HCRTR1: variants seen among roughly 807,000 people sequenced by gnomAD.
HCRTR1 encodes the protein hypocretin receptor 1, also known as orexin/Hypocretin receptor type 1.
Under a neutral mutation model 40.6 loss-of-function variants are expected in HCRTR1, and 28 were observed. The ratio of observed to expected loss-of-function variants is 0.69; its 90% CI spans 0.51 to 0.95. The LOEUF (loss-of-function observed/expected upper bound fraction) is 0.95, where lower values mean the gene tolerates loss of function less well. HCRTR1 is among the 40% of genes least tolerant of loss of function. The probability of loss-of-function intolerance (pLI) is 0.00; values close to 1 mark genes in which losing one functional copy is unlikely to be tolerated. For synonymous variants in HCRTR1, 209 were observed against 230.0 expected, an observed-to-expected ratio of 0.91 and a Z score of 0.83; for missense variants, 482 against 564.7, an observed-to-expected ratio of 0.85 and a Z score of 1.48.
chr1:31,632,732 G>A (rs1320748068), downstream of HCRTR1: 4 of 1,425,394 alleles, frequency 2.8e-6, no homozygotes, highest in Non-Finnish European at 2.8e-6. Flanking sequence ...TTCTCTCCAG[G>A]CTGGAGTAGG....
rs1639855676 is a variant in HCRTR1, at chr1:31,621,513, T to G, written c.659T>G (p.Phe220Cys). The G allele has an allele frequency of 6.2e-7, 1 of 1,613,982 alleles. No homozygotes were observed. Among genetic ancestry groups the G allele is most frequent in the Admixed American group, 1.7e-5 (1 of 60,010 alleles). ...CCCAAGATCTACCACAGTTGCTTCT[T>G]TATTGTCACCTACCTGGCCCCACTG... ...LYPKIYHSCF[F>C]IVTYLAPLGL... Residue 220 changes from phenylalanine to cysteine, a missense_variant, in exon 6 of 9, where the codon TTT (phenylalanine) becomes TGT (cysteine). Phe to Cys is a radical substitution (Grantham distance 205). Transcript: ENST00000403528.
chr1:31,623,634 C>T lies in HCRTR1; in HGVS notation c.850C>T (p.Leu284=), dbSNP rs1639909995. Residue 284 remains leucine (L), a synonymous_variant, in exon 7 of 9, where the codon CTG becomes TTG. Coordinates refer to ENST00000403528, the MANE Select transcript of HCRTR1 (RefSeq NM_001525.3). ...GCCCCAGCCCCGGGCCCGCGCCTTCCTGGCTGAAGTGAAGCAGATGCGTGC... is the reference window on the plus strand; with the variant it reads ...GCCCCAGCCCCGGGCCCGCGCCTTCTTGGCTGAAGTGAAGCAGATGCGTGC... ...GEPQPRARAF[L]AEVKQMRARR... is the part of the protein sequence containing the mutation. 6 of 1,613,894 alleles carry T rather than the reference C, an allele frequency of 3.7e-6. No individual in the cohort carries two copies. Among genetic ancestry groups the T allele is most frequent in the Non-Finnish European group, 5.1e-6 (6 of 1,180,048 alleles).
At chr1:31,633,345 G>C, downstream of HCRTR1, 1 of 1,582,128 alleles carries the variant, frequency 6.3e-7, no homozygotes, top group South Asian at 1.1e-5. Flanking sequence ...GCCATCAACA[G>C]AAATGCCAGG....
chr1:31,630,865 C>A (rs373865996), downstream of HCRTR1: 45 of 1,571,606 alleles, frequency 2.9e-5, no homozygotes, highest in African/African-American at 5.5e-4. Context: ...GGCACACAGA[C>A]CAGACACACA....
downstream of HCRTR1, among the ~76,000 whole-genome samples, chr1:31,631,021 G>A (rs1162440280): frequency 6.6e-6 from 1 of 152,226 alleles, no homozygotes; most frequent in Non-Finnish European, 1.5e-5. Context: ...CAGGGACCGT[G>A]TCTGGATGCT....
downstream of HCRTR1, among the ~76,000 whole-genome samples, chr1:31,628,430 C>A (rs1028645537): frequency 6.6e-6 from 1 of 152,246 alleles, no homozygotes; most frequent in Non-Finnish European, 1.5e-5. Context: ...CCATTCCACA[C>A]TCCCACTGGC....
downstream of HCRTR1, among the ~76,000 whole-genome samples, chr1:31,628,805 G>A (rs1326698257): frequency 1.3e-5 from 2 of 152,234 alleles, no homozygotes; most frequent in Admixed American, 6.5e-5. Flanking sequence ...TGCTCAGCGA[G>A]GGACTGCTCA....
At chr1:31,632,514 G>A (rs753988526), downstream of HCRTR1, 2 of 1,614,238 alleles carry the variant, frequency 1.2e-6, no homozygotes, top group South Asian at 2.2e-5. Context: ...GCTCTGTGTA[G>A]CTAATGGAGC....
Position 31,619,543 on chromosome 1 carries a change from GT to G in HCRTR1, c.212del (p.Val71GlyfsTer7). On this transcript the variant is annotated frameshift_variant, in exon 4 of 9. Transcript: ENST00000403528. LOFTEE classifies it high-confidence loss of function. ...GCTGCACCCTGCAGTCTGCCTGGCC[GT>G]GTGGCGGAACCACCACATGAGGACA... ...LVGNTLVCLA[V>X]WRNHHMRTVT... The G allele has an allele frequency of 3.1e-6, 5 of 1,614,052 alleles. No individual in the cohort carries two copies. The highest frequency in any genetic ancestry group is 4.2e-6 in the Non-Finnish European group (5 of 1,179,992).
chr1:31,624,967 A>T (rs1639944448), intron 7 of HCRTR1, 30 bp from the exon 8 acceptor site: 2 of 1,566,790 alleles, frequency 1.3e-6, no homozygotes, highest in Non-Finnish European at 1.7e-6. Flanking sequence ...CAGCTACCCC[A>T]TTTCTGACGC....
Position 31,621,487 on chromosome 1 carries a change from T to C in HCRTR1, c.633T>C (p.Tyr211=), listed in dbSNP as rs1217793852. ...VCDERWADDL[Y]PKIYHSCFFI... Reference sequence around the variant, plus strand: ...TCTTGACCCCTGCAGATGACCTCTATCCCAAGATCTACCACAGTTGCTTCT... The same window carrying C: ...TCTTGACCCCTGCAGATGACCTCTACCCCAAGATCTACCACAGTTGCTTCT... Residue 211 remains tyrosine (Y), a synonymous_variant, in exon 6 of 9, where the codon TAT becomes TAC. Coordinates refer to ENST00000403528, the MANE Select transcript of HCRTR1 (RefSeq NM_001525.3). 1 of 1,611,862 alleles carries C rather than the reference T, an allele frequency of 6.2e-7. No individual in the cohort carries two copies. Among genetic ancestry groups the C allele is most frequent in the Non-Finnish European group, 8.5e-7 (1 of 1,178,634 alleles).
intron 3 of HCRTR1, 42 bp downstream of exon 3, chr1:31,619,433 G>A: frequency 6.2e-7 from 1 of 1,612,598 alleles, no homozygotes. Context: ...GGCTTTCCCT[G>A]GGGATTGAAG....
chr1:31,622,716 G>C (rs1198426661), intron 6 of HCRTR1, among the ~76,000 whole-genome samples: 3 of 152,256 alleles, frequency 2.0e-5, no homozygotes, highest in South Asian at 2.1e-4. Flanking sequence ...GGCAGGAGAG[G>C]CTTCTCCAGG....
At chr1:31,622,378 GC>G (rs1639875055) in intron 6 of HCRTR1, among the ~76,000 whole-genome samples, 2 of 152,094 alleles carry the variant, frequency 1.3e-5, no homozygotes, top group Non-Finnish European at 2.9e-5. Context: ...GTACTGGCTT[GC>G]ACCCAGGCCA....
At chr1:31,624,820 C>G (rs1291156039) in intron 7 of HCRTR1, among the ~76,000 whole-genome samples, 177 bp from the exon 8 acceptor site, 2 of 152,176 alleles carry the variant, frequency 1.3e-5, no homozygotes, top group African/African-American at 2.4e-5. Flanking sequence ...TGATACCCTC[C>G]ATGCTTGAGA....
In HCRTR1 at chr1:31,619,607, A is replaced by G. The variant is rs778134490; in HGVS notation, c.275A>G (p.Asp92Gly). The change falls in exon 4 of 9, where the codon GAC (aspartate) becomes GGC (glycine). Residue 92 changes from aspartate (D) to glycine (G), a missense_variant. Physicochemically the swap from Asp to Gly is moderately conservative, Grantham distance 94. Transcript: ENST00000403528. ...NYFIVNLSLA[D>G]VLVTAICLPA... ...TTCATTGTCAACCTGTCCCTGGCTG[A>G]CGTTCTGGTGACTGCTATCTGCCTG... is the stretch of plus-strand genomic sequence containing the variant. 5 of 1,613,994 alleles carry G rather than the reference A, an allele frequency of 3.1e-6. No individual in the cohort carries two copies. The highest frequency in any genetic ancestry group is 3.3e-5 in the Admixed American group (2 of 59,988).
intron 2 of HCRTR1, 48 bp downstream of exon 2, chr1:31,618,864 A>T (rs6702746): frequency 0.064 from 22,897 of 356,472 alleles, 880 homozygotes; most frequent in African/African-American, 0.1. Flanking sequence ...ACCAAGGCTG[A>T]AAGAGGCCAG....
intron 4 of HCRTR1, among the ~76,000 whole-genome samples, chr1:31,619,989 C>T (rs1364519495): frequency 6.6e-6 from 1 of 152,222 alleles, no homozygotes; most frequent in African/African-American, 2.4e-5. Flanking sequence ...TCCAGGTACA[C>T]AGGCACACAG....
chr1:31,630,035 G>A (rs1438083658), downstream of HCRTR1: 3 of 159,896 alleles, frequency 1.9e-5, no homozygotes, highest in African/African-American at 7.2e-5. Flanking sequence ...AGCTGCAGAG[G>A]GCAGAAGCCT....
Sources: gnomAD v4.1 joint callset for allele counts (sites outside exome capture counted in the v4.1 genomes callset) on GRCh38, gnomAD v4.1.1 for gene constraint, MANE v1.5 for transcripts, NCBI Gene and HGNC (gene_info 2026-07-23, HGNC 2026-07-21) for gene names.